Variants in FGF8 observed in about 807,000 individuals in gnomAD.
The protein encoded by FGF8 is fibroblast growth factor 8, also known as androgen-induced growth factor.
FGF8 carries 12 observed loss-of-function variants against 29.7 expected under a neutral mutation model. That is an observed-to-expected ratio of 0.40 (90% CI 0.26 to 0.65). The LOEUF is 0.65. Among genes scored for constraint, FGF8 ranks in the 30% least tolerant of loss-of-function variants. The pLI, the probability that FGF8 is intolerant of heterozygous loss-of-function variation, is 0.37. For missense variants in FGF8, 271 were observed against 345.1 expected, an observed-to-expected ratio of 0.79 and a Z score of 1.70; for synonymous variants, 157 against 144.4, an observed-to-expected ratio of 1.09 and a Z score of -0.63.
In FGF8 at chr10:101,771,505, G is replaced by A; in HGVS notation, c.402C>T (p.Gly134=). The change falls in exon 5 of 6, where the codon GGC becomes GGT. Residue 134 remains glycine, a synonymous_variant. Transcript: ENST00000320185. The surrounding 1 kb of genome is among the most constrained non-coding windows in gnomAD (Gnocchi z 5.3). ...SRVRVRGAET[G]LYICMNKKGK... ...CCTTCTTGTTCATGCAGATGTAGAG[G>A]CCCGTCTCGGCTCCTCGGACTCGAA... 2 of 1,614,190 alleles carry A rather than the reference G, an allele frequency of 1.2e-6. No individual in the cohort carries two copies. Among genetic ancestry groups the A allele is most frequent in the Non-Finnish European group, 1.7e-6 (2 of 1,180,018 alleles).
In FGF8 at chr10:101,772,105, C is replaced by A. The variant is rs547924351; in HGVS notation, c.338-536G>T. On this transcript the variant is annotated intron_variant, in intron 4 of 5. Transcript: ENST00000320185. This position sits in a 1 kb window ranked among gnomAD's most constrained non-coding sequence, Gnocchi z 4.4. ...TTTGGGTTCTAACTCACAGCTTTGG[C>A]CACCCCCAGCCCCTCAACATCACCA... is the stretch of plus-strand genomic sequence containing the variant. Among the ~76,000 whole-genome samples the A allele has an allele frequency of 1.7e-4, 26 of 152,312 alleles. No homozygotes were observed. Among genetic ancestry groups the A allele is most frequent in the African/African-American group, 5.8e-4 (24 of 41,574 alleles).
chr10:101,775,231 C>A lies in FGF8; in HGVS notation c.70-15G>T. On this transcript the variant is annotated splice_polypyrimidine_tract_variant and intron_variant, in intron 2 of 5. Coordinates refer to ENST00000320185, the MANE Select transcript of FGF8 (RefSeq NM_033163.5). This position sits in a 1 kb window ranked among gnomAD's most constrained non-coding sequence, Gnocchi z 4.6. Reference sequence around the variant, plus strand: ...CCCGGGCCTTCCTAGAGGAGCAGGGCGCTTTTAAGTAGGGAGGCAGCCCTC... The same window carrying A: ...CCCGGGCCTTCCTAGAGGAGCAGGGAGCTTTTAAGTAGGGAGGCAGCCCTC... 1 of 1,537,678 alleles carries A rather than the reference C, an allele frequency of 6.5e-7. No individual in the cohort carries two copies. Among genetic ancestry groups the A allele is most frequent in the Non-Finnish European group, 8.8e-7 (1 of 1,138,176 alleles).
chr10:101,771,626 C>T lies in FGF8; in HGVS notation c.338-57G>A. 1 of 1,351,294 alleles carries T rather than the reference C, an allele frequency of 7.4e-7. No homozygotes were observed. Among genetic ancestry groups the T allele is most frequent in the South Asian group, 1.2e-5 (1 of 85,542 alleles). 83.7% of individuals were successfully genotyped at this position (1,351,294 alleles called of 1,614,324 possible). A position where few individuals can be genotyped will look rare whatever the true frequency, so the allele number is the denominator to read the frequency against. The stretch of plus-strand genomic sequence containing the variant: ...CAGATCCCTGACCCCAGCTGGCCCA[C>T]ACACTTGTCACAGCCCAGCAGCAAC... On this transcript the variant is annotated intron_variant, in intron 4 of 5. Coordinates refer to ENST00000320185, the MANE Select transcript of FGF8 (RefSeq NM_033163.5). This position sits in a 1 kb window ranked among gnomAD's most constrained non-coding sequence, Gnocchi z 5.3.
Position 101,775,502 on chromosome 10 carries a change from G to A in FGF8, c.69+238C>T. 2 of 609,776 alleles carry A rather than the reference G, an allele frequency of 3.3e-6. No homozygotes were observed. The highest frequency in any genetic ancestry group is 5.8e-6 in the Non-Finnish European group (2 of 345,044). The allele number at this position is 609,776 out of a possible 1,614,324, so 37.8% of individuals were successfully genotyped here. On this transcript the variant is annotated intron_variant, in intron 2 of 5. Transcript: ENST00000320185. This position sits in a 1 kb window ranked among gnomAD's most constrained non-coding sequence, Gnocchi z 4.6. ...CCGGCGAGGATGCATGGGGGACAGTGCTGGGCTCCGAGACCTTCGTTTCTA... is the reference window on the plus strand; with the variant it reads ...CCGGCGAGGATGCATGGGGGACAGTACTGGGCTCCGAGACCTTCGTTTCTA...
upstream of FGF8, among the ~76,000 whole-genome samples, chr10:101,777,255 C>G (rs575072662): frequency 3.3e-5 from 5 of 152,298 alleles, no homozygotes; most frequent in Admixed American, 2.6e-4. Context: ...TCTGTGGGAG[C>G]AGCCTGGGTG....
intron 5 of FGF8, 63 bp from the exon 6 acceptor site, chr10:101,770,682 G>A (rs911867962): frequency 1.6e-5 from 26 of 1,576,610 alleles, no homozygotes; most frequent in Admixed American, 3.4e-5. Flanking sequence ...GAGGGCGAGC[G>A]GCCCCAGACA....
In FGF8 at chr10:101,771,780, C is replaced by T. The variant is rs192087735; in HGVS notation, c.338-211G>A. 4.6e-5 allele frequency among the ~76,000 whole-genome samples: 7 copies of T among 152,262 alleles called. No homozygotes were observed. The highest frequency in any genetic ancestry group is 2.6e-4 in the Admixed American group (4 of 15,298). Reference sequence around the variant, plus strand: ...CCCTGGGTTTACAGAGGGCAGTGGACGGGATTATGGTTTTCAAACTGGGTT... The same window carrying T: ...CCCTGGGTTTACAGAGGGCAGTGGATGGGATTATGGTTTTCAAACTGGGTT... On this transcript the variant is annotated intron_variant, in intron 4 of 5. Transcript: ENST00000320185. This position sits in a 1 kb window ranked among gnomAD's most constrained non-coding sequence, Gnocchi z 5.3.
At chr10:101,776,719 CCT>C (rs1475286659), upstream of FGF8, among the ~76,000 whole-genome samples, 2 of 152,134 alleles carry the variant, frequency 1.3e-5, no homozygotes, top group African/African-American at 2.4e-5. Context: ...ACCCCGCTCC[CCT>C]GTTTCGGCCG....
chr10:101,777,781 G>C (rs1197216985), upstream of FGF8, among the ~76,000 whole-genome samples: 1 of 152,258 alleles, frequency 6.6e-6, no homozygotes, highest in Non-Finnish European at 1.5e-5. Flanking sequence ...ATGAATGAAT[G>C]ATGGGGGAAG....
At chr10:101,774,647 G>A (rs2065065169) in intron 4 of FGF8, 85 bp downstream of exon 4, 6 of 1,179,390 alleles carry the variant, frequency 5.1e-6, no homozygotes, top group African/African-American at 1.5e-5. Flanking sequence ...TCTGAGCTGG[G>A]GACCCTGCAG....
At chr10:101,773,462 C>G (rs2065049498) in intron 4 of FGF8, among the ~76,000 whole-genome samples, 2 of 151,100 alleles carry the variant, frequency 1.3e-5, no homozygotes, top group Non-Finnish European at 3.0e-5. Flanking sequence ...ACCCCCACCC[C>G]AGAAAGCCCG....
chr10:101,778,479 T>C (rs572089632), upstream of FGF8, among the ~76,000 whole-genome samples: 3 of 152,208 alleles, frequency 2.0e-5, no homozygotes, highest in East Asian at 5.8e-4. Context: ...TGACCCTCAA[T>C]GGTCTTCAGC....
chr10:101,773,561 T>C (rs2065051288), intron 4 of FGF8, among the ~76,000 whole-genome samples: 1 of 151,308 alleles, frequency 6.6e-6, no homozygotes, highest in African/African-American at 2.4e-5. Context: ...TTTGGAAAGC[T>C]TAACATTTTC....
Position 101,771,142 on chromosome 10 carries a change from C to A in FGF8, c.444+321G>T, listed in dbSNP as rs2065018334. On this transcript the variant is annotated intron_variant, in intron 5 of 5. Coordinates refer to ENST00000320185, the MANE Select transcript of FGF8 (RefSeq NM_033163.5). The surrounding 1 kb of genome is among the most constrained non-coding windows in gnomAD (Gnocchi z 5.3). ...TGGGCCTGCGGCTTACTGAACATTCCAAATGCTGGTACCATGTAATTGGAC... is the reference window on the plus strand; with the variant it reads ...TGGGCCTGCGGCTTACTGAACATTCAAAATGCTGGTACCATGTAATTGGAC... Among the ~76,000 whole-genome samples the A allele has an allele frequency of 6.6e-6, 1 of 152,228 alleles. No homozygotes were observed. Among genetic ancestry groups the A allele is most frequent in the African/African-American group, 2.4e-5 (1 of 41,458 alleles).
chr10:101,779,298 C>T (rs2065123897), upstream of FGF8, among the ~76,000 whole-genome samples: 1 of 152,246 alleles, frequency 6.6e-6, no homozygotes, highest in Non-Finnish European at 1.5e-5. The surrounding 1 kb of genome is among the most constrained non-coding windows in gnomAD (Gnocchi z 5.7). Context: ...AGCACTTCGG[C>T]CACTGTCTGG....
chr10:101,770,614 G>A lies in FGF8; in HGVS notation c.450C>T (p.Asn150=), dbSNP rs772856803. ...TGAAGACGCAGTCCTTGCCTTTGCC[G>A]TTGCTCTGCAGGTAGGGGAGCCAGA... ...NKKGKLIAKS[N]GKGKDCVFTE... is the part of the protein sequence containing the mutation. Residue 150 remains asparagine (N), a synonymous_variant, in exon 6 of 6, where the codon AAC becomes AAT. Transcript: ENST00000320185. 13 of 1,609,200 alleles carry A rather than the reference G, an allele frequency of 8.1e-6. No individual in the cohort carries two copies. The highest frequency in any genetic ancestry group is 4.4e-5 in the South Asian group (4 of 91,086).
At position 101,770,393 on chromosome 10, in the gene FGF8, T is replaced by C; in HGVS notation, c.671A>G (p.Asn224Ser). The change falls in exon 6 of 6, where the codon AAC becomes AGC. Residue 224 changes from asparagine (N) to serine (S), a missense_variant. Transcript: ENST00000320185. ...CAGGCTGCGCGTGAAGGGCGGGTAG[T>C]TGAGGAACTCGAAGCGCAGGCTCTG... ...TEQSLRFEFLNYPPFTRSLRG... is the reference protein window; with the variant it reads ...TEQSLRFEFLSYPPFTRSLRG... 5 of 1,606,050 alleles carry C rather than the reference T, an allele frequency of 3.1e-6. No individual in the cohort carries two copies. Among genetic ancestry groups the C allele is most frequent in the Non-Finnish European group, 4.2e-6 (5 of 1,177,040 alleles).
rs544494562 is a variant in FGF8, at chr10:101,775,194, G to A, written c.92C>T (p.Ala31Val). The A allele has an allele frequency of 3.2e-6, 5 of 1,547,708 alleles. No individual in the cohort carries two copies. The highest frequency in any genetic ancestry group is 4.4e-6 in the Non-Finnish European group (5 of 1,146,678). ...CAGGGAAGCGAGCTCCCTGCCCAGCGCAGGGCCCCTGCCCGGGCCTTCCTA... is the reference window on the plus strand; with the variant it reads ...CAGGGAAGCGAGCTCCCTGCCCAGCACAGGGCCCCTGCCCGGGCCTTCCTA... ...QAQEGPGRGP[A>V]LGRELASLFR... Residue 31 changes from alanine to valine, a missense_variant, in exon 3 of 6, where the codon GCG (alanine) becomes GTG (valine). Physicochemically the swap from Ala to Val is moderately conservative, Grantham distance 64 (BLOSUM62 0). Transcript: ENST00000320185. This position sits in a 1 kb window ranked among gnomAD's most constrained non-coding sequence, Gnocchi z 4.6.
intron 4 of FGF8, among the ~76,000 whole-genome samples, chr10:101,773,487 G>T (rs982212554): frequency 1.5e-5 from 2 of 133,916 alleles, no homozygotes; most frequent in Non-Finnish European, 3.1e-5. Context: ...CTCCCATGTC[G>T]GTTGAATCTG....
Sources: gnomAD v4.1 joint callset for allele counts (sites outside exome capture counted in the v4.1 genomes callset) on GRCh38, gnomAD v4.1.1 for gene constraint, Gnocchi (gnomAD v3.1) non-coding constraint, MANE v1.5 for transcripts, NCBI Gene and HGNC (gene_info 2026-07-23, HGNC 2026-07-21) for gene names.